Variants in PRKAG2 observed in about 807,000 individuals in gnomAD.
The protein encoded by PRKAG2 is protein kinase AMP-activated non-catalytic subunit gamma 2.
Under a neutral mutation model 69.6 loss-of-function variants are expected in PRKAG2, and 26 were observed. That is an observed-to-expected ratio of 0.37 (90% CI 0.27 to 0.52). The LOEUF (loss-of-function observed/expected upper bound fraction) is 0.52, where lower values mean the gene tolerates loss of function less well. Ranked by LOEUF, PRKAG2 falls within the 20% of genes least tolerant of loss-of-function variation. The pLI is 0.90. For synonymous variants in PRKAG2, 293 were observed against 285.0 expected (o/e 1.03, Z -0.28); for missense variants, 557 against 740.0 (o/e 0.75, Z 2.87).
intron 5 of PRKAG2, among the ~76,000 whole-genome samples, chr7:151,628,585 G>A (rs1042729763): frequency 3.3e-5 from 5 of 152,086 alleles, no homozygotes; most frequent in Admixed American, 1.3e-4. Flanking sequence ...GGTGGCATGC[G>A]CCTGTAGTCC....
At chr7:151,790,965 G>A (rs2077249359) in intron 1 of PRKAG2, among the ~76,000 whole-genome samples, 1 of 152,228 alleles carries the variant, frequency 6.6e-6, no homozygotes, top group Non-Finnish European at 1.5e-5. Context: ...CGGCTGCCCG[G>A]AGTGGTGGAG....
At chr7:151,698,608 T>C (rs963986264) in intron 3 of PRKAG2, among the ~76,000 whole-genome samples, 4 of 152,088 alleles carry the variant, frequency 2.6e-5, no homozygotes, top group African/African-American at 7.2e-5. Context: ...AGCTCCCCCT[T>C]TGCCTTCTGC....
At chr7:151,827,537 C>T (rs976840828) in intron 1 of PRKAG2, among the ~76,000 whole-genome samples, 2 of 152,078 alleles carry the variant, frequency 1.3e-5, no homozygotes, top group Non-Finnish European at 2.9e-5. Flanking sequence ...CTGCACCCAG[C>T]CGGAACTGGG....
Position 151,813,377 on chromosome 7 carries a change from C to T in PRKAG2, c.115-26836G>A, listed in dbSNP as rs372032104. On this transcript the variant is annotated intron_variant, in intron 1 of 15. Transcript: ENST00000287878. ...CAGATGCACAGAATCAAGCCTCCCCCCAGGAGGGGGGTCAAGCGACCCCCA... is the reference window on the plus strand; with the variant it reads ...CAGATGCACAGAATCAAGCCTCCCCTCAGGAGGGGGGTCAAGCGACCCCCA... 8.6e-4 allele frequency among the ~76,000 whole-genome samples: 131 copies of T among 152,074 alleles called. 1 individual carries two copies. Among genetic ancestry groups the T allele is most frequent in the African/African-American group, 3.0e-3 (125 of 41,464 alleles).
chr7:151,858,975 G>A (rs2079851895), intron 1 of PRKAG2, among the ~76,000 whole-genome samples: 1 of 152,178 alleles, frequency 6.6e-6, no homozygotes, highest in Non-Finnish European at 1.5e-5. Context: ...ATCGACAGCA[G>A]GTCCAGCCCC....
At chr7:151,707,458 G>T (rs74495775) in intron 3 of PRKAG2, among the ~76,000 whole-genome samples, 1 of 151,956 alleles carries the variant, frequency 6.6e-6, no homozygotes, top group East Asian at 1.9e-4. Flanking sequence ...GTTTCTTCCC[G>T]CCCTTGAGCC....
intron 1 of PRKAG2, among the ~76,000 whole-genome samples, chr7:151,789,801 C>G (rs1172365027): frequency 6.6e-6 from 1 of 152,222 alleles, no homozygotes; most frequent in Non-Finnish European, 1.5e-5. Flanking sequence ...AGATGGAGAG[C>G]TGCGTGCCTC....
chr7:151,667,180 T>G (rs1215889060), intron 4 of PRKAG2, among the ~76,000 whole-genome samples: 1 of 152,204 alleles, frequency 6.6e-6, no homozygotes, highest in Non-Finnish European at 1.5e-5. Flanking sequence ...AGCTGAGGCC[T>G]TTGTTGAGAC....
At chr7:151,793,241 C>T (rs2077347441) in intron 1 of PRKAG2, among the ~76,000 whole-genome samples, 1 of 152,182 alleles carries the variant, frequency 6.6e-6, no homozygotes, top group South Asian at 2.1e-4. Context: ...CCACTGCTCT[C>T]AGAGCCACAG....
chr7:151,675,975 C>T (rs1003950148), intron 3 of PRKAG2, among the ~76,000 whole-genome samples: 1 of 152,180 alleles, frequency 6.6e-6, no homozygotes, highest in Non-Finnish European at 1.5e-5. Flanking sequence ...ACTATCCACG[C>T]TCGGTTGTGG....
intron 4 of PRKAG2, among the ~76,000 whole-genome samples, chr7:151,667,271 A>G (rs1105843): frequency 0.69 from 105,461 of 152,070 alleles, 36,809 homozygotes; most frequent in African/African-American, 0.77. Context: ...AGAGCACTTC[A>G]TGATAAACAT....
intron 4 of PRKAG2, among the ~76,000 whole-genome samples, chr7:151,636,545 G>T (rs898202600): frequency 6.6e-6 from 1 of 152,078 alleles, no homozygotes; most frequent in Non-Finnish European, 1.5e-5. Context: ...TTATCCTTTC[G>T]TCAGCTGATG....
chr7:151,590,286 C>T (rs948156760), intron 6 of PRKAG2, among the ~76,000 whole-genome samples: 1 of 152,242 alleles, frequency 6.6e-6, no homozygotes, highest in Admixed American at 6.5e-5. Flanking sequence ...GAGAACCCAA[C>T]AAGCCTCTAT....
chr7:151,615,953 TATAAACACAAAGC>T (rs1159263252), intron 5 of PRKAG2, among the ~76,000 whole-genome samples: 1 of 152,218 alleles, frequency 6.6e-6, no homozygotes, highest in Non-Finnish European at 1.5e-5. Context: ...ACACCGGCAG[TATAAACACAAAGC>T]ATGATTAGAG....
intron 5 of PRKAG2, among the ~76,000 whole-genome samples, chr7:151,611,096 T>A (rs1345558407): frequency 1.3e-5 from 2 of 152,062 alleles, no homozygotes; most frequent in African/African-American, 2.4e-5. Context: ...CACAGGGAGC[T>A]CTAAATAAGT....
At chr7:151,770,889 G>A (rs756012259) in intron 3 of PRKAG2, among the ~76,000 whole-genome samples, 3 of 152,192 alleles carry the variant, frequency 2.0e-5, no homozygotes, top group South Asian at 4.1e-4. Context: ...AGCATTAAGC[G>A]TTGCAGAGGC....
At chr7:151,626,018 A>G (rs1314344050) in intron 5 of PRKAG2, among the ~76,000 whole-genome samples, 1 of 152,192 alleles carries the variant, frequency 6.6e-6, no homozygotes, top group African/African-American at 2.4e-5. Context: ...GGAGCTGAAC[A>G]GCTGTAGGGC....
chr7:151,660,778 G>A (rs1488802616), intron 4 of PRKAG2, among the ~76,000 whole-genome samples: 3 of 152,202 alleles, frequency 2.0e-5, no homozygotes, highest in South Asian at 4.1e-4. Context: ...AAAGTTAGAC[G>A]AAAATGTGAC....
intron 5 of PRKAG2, among the ~76,000 whole-genome samples, chr7:151,625,374 C>A (rs1822585389): frequency 6.6e-6 from 1 of 152,038 alleles, no homozygotes; most frequent in South Asian, 2.1e-4. Context: ...GAGGGAAATG[C>A]AGGGAGGAAA....
Sources: gnomAD v4.1 joint callset for allele counts (sites outside exome capture counted in the v4.1 genomes callset) on GRCh38, gnomAD v4.1.1 for gene constraint, MANE v1.5 for transcripts, NCBI Gene and HGNC (gene_info 2026-07-23, HGNC 2026-07-21) for gene names.